DHRSX: variants seen among roughly 807,000 people sequenced by gnomAD.
The protein encoded by DHRSX is dehydrogenase/reductase X-linked, also known as polyprenol dehydrogenase.
DHRSX carries 31 observed loss-of-function variants against 34.0 expected under a neutral mutation model. That is an observed-to-expected ratio of 0.91 (90% confidence interval 0.69 to 1.23). The LOEUF (loss-of-function observed/expected upper bound fraction) is 1.23, where lower values mean the gene tolerates loss of function less well. Among genes scored for constraint, DHRSX ranks in the 50% most tolerant of loss-of-function variants. The probability of loss-of-function intolerance (pLI) is 0.00; values close to 1 mark genes in which losing one functional copy is unlikely to be tolerated. For missense variants in DHRSX, 414 were observed against 428.1 expected, an observed-to-expected ratio of 0.97 and a Z score of 0.29; for synonymous variants, 201 against 183.8, an observed-to-expected ratio of 1.09 and a Z score of -0.76.
intron 1 of DHRSX, among the ~76,000 whole-genome samples, chrX:2,475,672 G>C (rs1363218338): frequency 6.6e-6 from 1 of 150,546 alleles, no homozygotes; most frequent in Non-Finnish European, 1.5e-5. Context: ...CACTGAACAC[G>C]TTCCCTAAGA....
intron 2 of DHRSX, among the ~76,000 whole-genome samples, chrX:2,424,663 C>T (rs1801035994): frequency 1.3e-5 from 2 of 152,106 alleles, no homozygotes; most frequent in African/African-American, 2.4e-5. Flanking sequence ...GAAAGAAACA[C>T]AGGATCAATA....
At chrX:2,381,317 C>T (rs1439932041) in intron 3 of DHRSX, among the ~76,000 whole-genome samples, 2 of 152,100 alleles carry the variant, frequency 1.3e-5, no homozygotes, top group African/African-American at 4.8e-5. Context: ...ACCCTTCTGC[C>T]ACGTGATGAC....
chrX:2,254,548 C>T (rs954205484), intron 5 of DHRSX, among the ~76,000 whole-genome samples: 1 of 152,174 alleles, frequency 6.6e-6, no homozygotes, highest in Non-Finnish European at 1.5e-5. Flanking sequence ...AGGATATCTA[C>T]GCTTAATATT....
In DHRSX at chrX:2,338,709, T is replaced by C. The variant is rs1481939551; in HGVS notation, c.287-47106A>G. Among the ~76,000 whole-genome samples the C allele has an allele frequency of 2.6e-5, 4 of 152,088 alleles. No homozygotes were observed. In the East Asian group the frequency reaches 7.7e-4, roughly 29 times the overall value. On this transcript the variant is annotated intron_variant, in intron 3 of 6. Transcript: ENST00000334651. ...CGTTCCACCATGAGTGGAAGCCTCCTGAGGTCCTCAGCAGAGACAGATGCT... is the reference window on the plus strand; with the variant it reads ...CGTTCCACCATGAGTGGAAGCCTCCCGAGGTCCTCAGCAGAGACAGATGCT...
chrX:2,269,389 T>C (rs1417569220), intron 4 of DHRSX, among the ~76,000 whole-genome samples: 1 of 152,110 alleles, frequency 6.6e-6, no homozygotes, highest in East Asian at 1.9e-4. Flanking sequence ...TATTTGTGTG[T>C]ATTTTATATG....
At chrX:2,264,166 G>A (rs900585162) in intron 5 of DHRSX, among the ~76,000 whole-genome samples, 47 of 152,182 alleles carry the variant, frequency 3.1e-4, no homozygotes, top group African/African-American at 1.1e-3. Context: ...ACAGCGCCAG[G>A]AGCACCTGTG....
At chrX:2,317,727 G>A (rs1270179365) in intron 3 of DHRSX, among the ~76,000 whole-genome samples, 4 of 152,126 alleles carry the variant, frequency 2.6e-5, no homozygotes, top group Non-Finnish European at 5.9e-5. Context: ...ATGGCAAAGT[G>A]CGGGTAGAGG....
chrX:2,416,395 A>T (rs1183278690), intron 2 of DHRSX, among the ~76,000 whole-genome samples: 1 of 152,212 alleles, frequency 6.6e-6, no homozygotes, highest in Non-Finnish European at 1.5e-5. Flanking sequence ...GATTTCTTAT[A>T]TTGGAAAAAA....
At chrX:2,312,235 C>A (rs1304462648) in intron 3 of DHRSX, among the ~76,000 whole-genome samples, 1 of 152,132 alleles carries the variant, frequency 6.6e-6, no homozygotes, top group Non-Finnish European at 1.5e-5. Flanking sequence ...ACTCCAGGCA[C>A]TTCGCTGGCT....
intron 6 of DHRSX, 81 bp downstream of exon 6, chrX:2,242,942 C>T (rs1602782499): frequency 7.3e-7 from 1 of 1,373,318 alleles, no homozygotes; most frequent in Non-Finnish European, 1.0e-6. Context: ...AAGAACCCTC[C>T]CTTGGGGTCT....
intron 1 of DHRSX, among the ~76,000 whole-genome samples, chrX:2,426,929 A>G (rs2043858016): frequency 6.6e-6 from 1 of 151,592 alleles, no homozygotes; most frequent in Non-Finnish European, 1.5e-5. Flanking sequence ...TAGAGCCCAC[A>G]CTCTGTGCCC....
At chrX:2,351,161 T>C (rs2042784749) in intron 3 of DHRSX, among the ~76,000 whole-genome samples, 1 of 152,152 alleles carries the variant, frequency 6.6e-6, no homozygotes, top group Admixed American at 6.6e-5. Flanking sequence ...GATTGGTTGA[T>C]AGGCGCAGCA....
At chrX:2,293,278 G>A (rs2041889681) in intron 3 of DHRSX, among the ~76,000 whole-genome samples, 1 of 148,546 alleles carries the variant, frequency 6.7e-6, no homozygotes. Context: ...TTCCCAGAAG[G>A]ACTGAGGTTT....
chrX:2,463,035 A>G (rs1254705853), intron 1 of DHRSX, among the ~76,000 whole-genome samples: 1 of 152,056 alleles, frequency 6.6e-6, no homozygotes, highest in African/African-American at 2.4e-5. Flanking sequence ...CGCCCTTTCC[A>G]CCATGTGAGC....
At chrX:2,448,917 G>A (rs1262557773) in intron 1 of DHRSX, among the ~76,000 whole-genome samples, 18 of 152,138 alleles carry the variant, frequency 1.2e-4, no homozygotes, top group East Asian at 3.8e-4. Flanking sequence ...GGCCGGGCGC[G>A]GTGGCTCACG....
chrX:2,327,266 A>C (rs1368725560), intron 3 of DHRSX, among the ~76,000 whole-genome samples: 10 of 152,194 alleles, frequency 6.6e-5, no homozygotes, highest in Non-Finnish European at 1.3e-4. Context: ...AATGCATTGG[A>C]AACACTCATG....
chrX:2,433,460 A>G (rs1407279467), intron 1 of DHRSX, among the ~76,000 whole-genome samples: 2 of 152,034 alleles, frequency 1.3e-5, no homozygotes, highest in Admixed American at 6.6e-5. Flanking sequence ...ATAGGTATAC[A>G]TGTGCCACGG....
At chrX:2,415,305 T>A (rs1410165400) in intron 2 of DHRSX, among the ~76,000 whole-genome samples, 2 of 151,786 alleles carry the variant, frequency 1.3e-5, no homozygotes, top group Non-Finnish European at 2.9e-5. Flanking sequence ...CCACCGCATC[T>A]GGACCTCATC....
At chrX:2,449,516 G>A (rs776429424) in intron 1 of DHRSX, among the ~76,000 whole-genome samples, 1 of 152,140 alleles carries the variant, frequency 6.6e-6, no homozygotes, top group South Asian at 2.1e-4. Flanking sequence ...GTTGAGACAG[G>A]GTCACACCCA....
Sources: gnomAD v4.1 joint callset for allele counts (sites outside exome capture counted in the v4.1 genomes callset) on GRCh38, gnomAD v4.1.1 for gene constraint, MANE v1.5 for transcripts, NCBI Gene and HGNC (gene_info 2026-07-23, HGNC 2026-07-21) for gene names.